LRRC1: variants seen among roughly 807,000 people sequenced by gnomAD.
The protein encoded by LRRC1 is leucine rich repeat containing 1.
In LRRC1, 28 loss-of-function variants were observed where a neutral mutation model predicts 69.9. The ratio of observed to expected loss-of-function variants is 0.40; its 90% CI spans 0.30 to 0.55. LRRC1 has a LOEUF of 0.55. Ranked by LOEUF, LRRC1 falls within the 20% of genes least tolerant of loss-of-function variation. The probability of loss-of-function intolerance (pLI) is 0.47; values close to 1 mark genes in which losing one functional copy is unlikely to be tolerated. For missense variants in LRRC1, 498 were observed against 609.0 expected (o/e 0.82, Z 1.92); for synonymous variants, 236 against 240.2 (o/e 0.98, Z 0.16).
chr6:53,877,820 T>C (rs148525817), intron 2 of LRRC1, among the ~76,000 whole-genome samples: 37 of 152,320 alleles, frequency 2.4e-4, no homozygotes, highest in African/African-American at 8.2e-4. Flanking sequence ...CGTTTTCCTG[T>C]CTTCTGAGCC....
intron 1 of LRRC1, among the ~76,000 whole-genome samples, chr6:53,840,377 C>T (rs1274064986): frequency 6.6e-6 from 1 of 152,086 alleles, no homozygotes; most frequent in Non-Finnish European, 1.5e-5. Context: ...TTTGTTAAGA[C>T]CTTTTTCCTT....
intron 9 of LRRC1, among the ~76,000 whole-genome samples, chr6:53,903,991 C>T (rs1357683316): frequency 2.0e-5 from 3 of 152,176 alleles, no homozygotes; most frequent in African/African-American, 7.2e-5. Context: ...ATTCCCTGCC[C>T]CAGTGCTCTG....
chr6:53,806,919 C>G (rs1764649844), intron 1 of LRRC1, among the ~76,000 whole-genome samples: 1 of 152,180 alleles, frequency 6.6e-6, no homozygotes, highest in African/African-American at 2.4e-5. Context: ...ATTTTCCCAG[C>G]TTTTCAAAAT....
At chr6:53,879,366 A>T (rs1378529686) in intron 3 of LRRC1, among the ~76,000 whole-genome samples, 3 of 152,072 alleles carry the variant, frequency 2.0e-5, no homozygotes, top group Non-Finnish European at 4.4e-5. Context: ...TTGTAGTGCA[A>T]CCTCCGCCTT....
At chr6:53,889,373 A>G (rs1473445701) in intron 4 of LRRC1, among the ~76,000 whole-genome samples, 1 of 152,108 alleles carries the variant, frequency 6.6e-6, no homozygotes, top group African/African-American at 2.4e-5. Flanking sequence ...ACTCAAAAGA[A>G]TTGAAAACCT....
At chr6:53,809,723 A>C (rs1435241048) in intron 1 of LRRC1, among the ~76,000 whole-genome samples, 2 of 152,220 alleles carry the variant, frequency 1.3e-5, no homozygotes, top group Non-Finnish European at 2.9e-5. Context: ...CTGTGGTTTC[A>C]ATTCACTGGT....
At chr6:53,843,162 A>G (rs1368761350) in intron 2 of LRRC1, among the ~76,000 whole-genome samples, 1 of 152,212 alleles carries the variant, frequency 6.6e-6, no homozygotes, top group Non-Finnish European at 1.5e-5. Context: ...GGTCTGAATT[A>G]TTTATTAAAA....
intron 4 of LRRC1, among the ~76,000 whole-genome samples, chr6:53,895,171 G>A (rs2127435225): frequency 6.6e-6 from 1 of 152,068 alleles, no homozygotes; most frequent in Middle Eastern, 3.4e-3. Flanking sequence ...GCCCACCTCG[G>A]CCTCCCAAAG....
chr6:53,829,091 T>C (rs1240046646), intron 1 of LRRC1, among the ~76,000 whole-genome samples: 1 of 152,190 alleles, frequency 6.6e-6, no homozygotes, highest in African/African-American at 2.4e-5. Flanking sequence ...CAGTAAACTG[T>C]TGGGGAGTTG....
At chr6:53,858,304 GA>G (rs1308364890) in intron 2 of LRRC1, among the ~76,000 whole-genome samples, 4 of 151,888 alleles carry the variant, frequency 2.6e-5, no homozygotes, top group Middle Eastern at 3.4e-3. Flanking sequence ...ATGGTCATTA[GA>G]AAAAGTCAAT....
intron 2 of LRRC1, among the ~76,000 whole-genome samples, chr6:53,871,869 T>G (rs1766896515): frequency 6.6e-6 from 1 of 152,184 alleles, no homozygotes; most frequent in South Asian, 2.1e-4. Flanking sequence ...GGTTTTGCCA[T>G]GTTAGCCAGG....
rs1768801148 is a variant in LRRC1, at chr6:53,923,552, G to A, written c.*759G>A. The A allele has an allele frequency of 6.6e-6, 1 of 152,602 alleles. No individual in the cohort carries two copies. Among genetic ancestry groups the A allele is most frequent in the Non-Finnish European group, 1.5e-5 (1 of 68,032 alleles). 9.5% of individuals were successfully genotyped at this position (152,602 alleles called of 1,614,324 possible). On this transcript the variant is annotated 3_prime_UTR_variant, in exon 14 of 14. Coordinates refer to ENST00000370888, the MANE Select transcript of LRRC1 (RefSeq NM_018214.5). ...CAAAAAGATGAATTATCAATGATTT[G>A]TAATTATATCAGTTGATTTTTTTTG...
intron 5 of LRRC1, 56 bp downstream of exon 5, chr6:53,896,610 A>C: frequency 6.8e-7 from 1 of 1,478,282 alleles, no homozygotes; most frequent in Non-Finnish European, 9.4e-7. Flanking sequence ...TTAAGTATTT[A>C]AAAAAACAGG....
chr6:53,892,641 G>T (rs1767741711), intron 4 of LRRC1, among the ~76,000 whole-genome samples: 1 of 152,216 alleles, frequency 6.6e-6, no homozygotes, highest in Non-Finnish European at 1.5e-5. Flanking sequence ...TATTCTGAAA[G>T]ACCACAAAAG....
chr6:53,872,727 G>A (rs1364060577), intron 2 of LRRC1, among the ~76,000 whole-genome samples: 1 of 147,660 alleles, frequency 6.8e-6, no homozygotes, highest in Non-Finnish European at 1.5e-5. Context: ...GGGTAGTATA[G>A]ACACTTTTAA....
intron 1 of LRRC1, among the ~76,000 whole-genome samples, chr6:53,841,510 A>G (rs754273974): frequency 6.6e-6 from 1 of 152,130 alleles, no homozygotes. Context: ...GTTCATGTGT[A>G]TATAAATTCC....
chr6:53,814,114 C>T (rs1203117799), intron 1 of LRRC1, among the ~76,000 whole-genome samples: 2 of 152,158 alleles, frequency 1.3e-5, no homozygotes, highest in Non-Finnish European at 2.9e-5. Context: ...ATTTACTTCT[C>T]TAACTCCAAC....
At chr6:53,889,324 T>C (rs145160643) in intron 4 of LRRC1, among the ~76,000 whole-genome samples, 2 of 152,092 alleles carry the variant, frequency 1.3e-5, no homozygotes, top group African/African-American at 4.8e-5. Flanking sequence ...TTGAACATAG[T>C]TACCATGTGA....
chr6:53,899,236 A>T (rs927924337), intron 7 of LRRC1, among the ~76,000 whole-genome samples: 3 of 152,204 alleles, frequency 2.0e-5, no homozygotes, highest in Admixed American at 6.5e-5. Flanking sequence ...TGTTAAAGAT[A>T]CAGATAGGTA....
Sources: gnomAD v4.1 joint callset for allele counts (sites outside exome capture counted in the v4.1 genomes callset) on GRCh38, gnomAD v4.1.1 for gene constraint, MANE v1.5 for transcripts, NCBI Gene and HGNC (gene_info 2026-07-23, HGNC 2026-07-21) for gene names.